TUSC3: variants seen among roughly 807,000 people sequenced by gnomAD.
TUSC3 encodes tumor suppressor candidate 3.
A neutral mutation model predicts 44.8 loss-of-function variants in TUSC3; 45 were observed. The ratio of observed to expected loss-of-function variants is 1.00; its 90% CI spans 0.79 to 1.29. The LOEUF (loss-of-function observed/expected upper bound fraction) is 1.29. TUSC3 is among the 50% of genes most tolerant of loss of function. The pLI is 0.00. For synonymous variants in TUSC3, 212 were observed against 152.9 expected, an observed-to-expected ratio of 1.39 and a Z score of -2.85; for missense variants, 519 against 437.9, an observed-to-expected ratio of 1.19 and a Z score of -1.65.
chr8:15,608,346 C>A (rs899338851), intron 1 of TUSC3, among the ~76,000 whole-genome samples: 1 of 151,716 alleles, frequency 6.6e-6, no homozygotes, highest in Admixed American at 6.6e-5. Context: ...TTTTTGTAAA[C>A]AATAAATTCC....
At chr8:15,537,445 T>C (rs1041000588), upstream of TUSC3, among the ~76,000 whole-genome samples, 1 of 152,206 alleles carries the variant, frequency 6.6e-6, no homozygotes, top group South Asian at 2.1e-4. Flanking sequence ...GCACATGTTC[T>C]CAGGACCTCC....
At chr8:15,654,105 A>G (rs113806402) in intron 3 of TUSC3, among the ~76,000 whole-genome samples, 1 of 152,306 alleles carries the variant, frequency 6.6e-6, no homozygotes, top group African/African-American at 2.4e-5. Context: ...TTAAGAAAAA[A>G]GACTGAATTC....
intron 1 of TUSC3, among the ~76,000 whole-genome samples, chr8:15,437,557 G>C (rs1266873634): frequency 6.6e-6 from 1 of 152,136 alleles, no homozygotes; most frequent in Non-Finnish European, 1.5e-5. Context: ...AACTTCAAAA[G>C]CATTAAGAAA....
chr8:15,824,708 A>C, the TUSC3 span, among the ~76,000 whole-genome samples: 1 of 152,190 alleles, frequency 6.6e-6, no homozygotes. Flanking sequence ...ATATGTAACT[A>C]ACCTGCACGT....
At chr8:15,620,991 CTGTGTGTGAG>C in intron 1 of TUSC3, among the ~76,000 whole-genome samples, 1 of 135,278 alleles carries the variant, frequency 7.4e-6, no homozygotes, top group South Asian at 2.3e-4. Flanking sequence ...TGGTGTGTGT[CTGTGTGTGAG>C]TGTGTGTTGT....
At chr8:15,781,059 C>T in the TUSC3 span, among the ~76,000 whole-genome samples, 1 of 152,128 alleles carries the variant, frequency 6.6e-6, no homozygotes, top group Non-Finnish European at 1.5e-5. Flanking sequence ...CAAACAGAAG[C>T]CCTCCAGCAG....
the TUSC3 span, among the ~76,000 whole-genome samples, chr8:15,778,355 A>G: frequency 8.4e-3 from 1,277 of 152,316 alleles, 13 homozygotes; most frequent in Non-Finnish European, 0.014. Context: ...GGAAAAACAG[A>G]CAAGGAGACA....
chr8:15,519,853 C>T (rs1247273186), intron 2 of TUSC3, among the ~76,000 whole-genome samples: 1 of 152,184 alleles, frequency 6.6e-6, no homozygotes, highest in Non-Finnish European at 1.5e-5. Flanking sequence ...TGAAAATTCT[C>T]AAGCTCATTT....
intron 1 of TUSC3, among the ~76,000 whole-genome samples, chr8:15,621,087 C>G (rs987485858): frequency 1.3e-5 from 2 of 151,990 alleles, no homozygotes. Context: ...CAGTTCTCTT[C>G]TGCCCTCATT....
chr8:15,739,023 G>A (rs908717560), intron 7 of TUSC3, among the ~76,000 whole-genome samples: 6 of 151,430 alleles, frequency 4.0e-5, no homozygotes, highest in Admixed American at 2.6e-4. Flanking sequence ...AATAGAGACG[G>A]GATTTCACCA....
chr8:15,831,882 C>A, the TUSC3 span, among the ~76,000 whole-genome samples: 2 of 152,136 alleles, frequency 1.3e-5, no homozygotes, highest in Non-Finnish European at 2.9e-5. Flanking sequence ...AGGATATTAT[C>A]CATGAGAACG....
chr8:15,501,292 A>G (rs17611665), intron 2 of TUSC3, among the ~76,000 whole-genome samples: 22,092 of 152,148 alleles, frequency 0.15, 1,667 homozygotes, highest in Middle Eastern at 0.24. Context: ...CTAGGCTTAA[A>G]TAAAATGCAT....
At chr8:15,799,366 C>A in the TUSC3 span, among the ~76,000 whole-genome samples, 2 of 151,920 alleles carry the variant, frequency 1.3e-5, no homozygotes, top group African/African-American at 4.8e-5. Context: ...AAACTGTTGT[C>A]AGAAAGGGGT....
At chr8:15,591,784 T>G (rs144182367) in intron 1 of TUSC3, among the ~76,000 whole-genome samples, 1 of 152,090 alleles carries the variant, frequency 6.6e-6, no homozygotes, top group African/African-American at 2.4e-5. Context: ...TATAATAAGA[T>G]TGGAGTGGTA....
intron 2 of TUSC3, among the ~76,000 whole-genome samples, chr8:15,533,127 C>G (rs1009630726): frequency 6.6e-6 from 1 of 152,158 alleles, no homozygotes; most frequent in Non-Finnish European, 1.5e-5. Flanking sequence ...TTTCCCTGTA[C>G]CAGTTCTCTT....
chr8:15,543,449 C>A (rs536520938), intron 1 of TUSC3, among the ~76,000 whole-genome samples: 1 of 152,222 alleles, frequency 6.6e-6, no homozygotes, highest in South Asian at 2.1e-4. Context: ...GGTCAAGTTA[C>A]AATTCAGCCT....
the TUSC3 span, among the ~76,000 whole-genome samples, chr8:15,794,464 A>G: frequency 6.6e-6 from 1 of 152,222 alleles, no homozygotes; most frequent in Non-Finnish European, 1.5e-5. Flanking sequence ...ATTGTCAAGT[A>G]CTATAAATGG....
intron 7 of TUSC3, among the ~76,000 whole-genome samples, chr8:15,737,305 C>G (rs1411629761): frequency 6.6e-6 from 1 of 152,038 alleles, no homozygotes; most frequent in Non-Finnish European, 1.5e-5. Flanking sequence ...TTGAAAACAT[C>G]TTGATTCCAT....
At chr8:15,789,996 CT>C in the TUSC3 span, among the ~76,000 whole-genome samples, 1 of 152,140 alleles carries the variant, frequency 6.6e-6, no homozygotes, top group Middle Eastern at 3.4e-3. Context: ...CAGACCAGGG[CT>C]AACTCCTAGG....
Sources: gnomAD v4.1 joint callset for allele counts (sites outside exome capture counted in the v4.1 genomes callset) on GRCh38, gnomAD v4.1.1 for gene constraint, MANE v1.5 for transcripts, NCBI Gene and HGNC (gene_info 2026-07-23, HGNC 2026-07-21) for gene names.